Variants in LHCGR observed in about 807,000 individuals in gnomAD.
LHCGR encodes the protein lutropin-choriogonadotropic hormone receptor.
A neutral mutation model predicts 60.7 loss-of-function variants in LHCGR; 55 were observed. The ratio of observed to expected loss-of-function variants is 0.91; its 90% CI spans 0.73 to 1.13. The LOEUF (loss-of-function observed/expected upper bound fraction) is 1.13. LHCGR is among the 50% of genes most tolerant of loss of function. LHCGR has a pLI of 0.00. For missense variants in LHCGR, 862 were observed against 836.0 expected (o/e 1.03, Z -0.38); for synonymous variants, 337 against 316.5 (o/e 1.06, Z -0.69).
At chr2:48,712,277 C>CCTATGCTGTAAGCTCCTGTAG (rs1485499288) in intron 7 of LHCGR, among the ~76,000 whole-genome samples, 1 of 152,002 alleles carries the variant, frequency 6.6e-6, no homozygotes, top group Non-Finnish European at 1.5e-5. Context: ...GATGCTTCTT[C>CCTATGCTGTAAGCTCCTGTAG]CTATGCTGTA....
At position 48,694,263 on chromosome 2, in the gene LHCGR, T is replaced by C; in HGVS notation, c.908A>G (p.Gln303Arg). Residue 303 changes from glutamine to arginine, a missense_variant, in exon 10 of 11, where the codon CAA (glutamine) becomes CGA (arginine). Coordinates refer to ENST00000294954, the MANE Select transcript of LHCGR (RefSeq NM_000233.4). ...CACTTTCCTTACTGTGCTTTCACAT[T>C]GTTTGGAAAAGTTTTCAGAAATGGA... is the stretch of plus-strand genomic sequence containing the variant. Reference protein sequence around the residue: ...SHSISENFSKQCESTVRKVNN... With the variant: ...SHSISENFSKRCESTVRKVNN... The C allele has an allele frequency of 6.2e-7, 1 of 1,601,054 alleles. No homozygotes were observed. Among genetic ancestry groups the C allele is most frequent in the Middle Eastern group, 1.7e-4 (1 of 6,034 alleles).
chr2:48,728,509 G>C (rs142552082), intron 3 of LHCGR, among the ~76,000 whole-genome samples: 39 of 152,266 alleles, frequency 2.6e-4, no homozygotes, highest in African/African-American at 8.9e-4. Flanking sequence ...TCTAATTTCA[G>C]CTCTGGCACT....
At chr2:48,735,670 G>A (rs988460010) in intron 1 of LHCGR, among the ~76,000 whole-genome samples, 1 of 152,316 alleles carries the variant, frequency 6.6e-6, no homozygotes, top group South Asian at 2.1e-4. Context: ...ACCCAGTGGA[G>A]TTGGGTTACT....
chr2:48,745,809 C>CGCA (rs1669674300), intron 1 of LHCGR, among the ~76,000 whole-genome samples: 2 of 150,658 alleles, frequency 1.3e-5, no homozygotes, highest in African/African-American at 4.9e-5. Flanking sequence ...AACTAACCTG[C>CGCA]ATGTTGTGCA....
At chr2:48,750,213 T>C (rs1669900647) in intron 1 of LHCGR, among the ~76,000 whole-genome samples, 1 of 152,190 alleles carries the variant, frequency 6.6e-6, no homozygotes, top group Non-Finnish European at 1.5e-5. Context: ...GTCTTCTTTC[T>C]GTCTGTGGAT....
intron 1 of LHCGR, among the ~76,000 whole-genome samples, chr2:48,754,362 C>T (rs1670111082): frequency 6.6e-6 from 1 of 152,134 alleles, no homozygotes; most frequent in African/African-American, 2.4e-5. Flanking sequence ...CCTTCCTTCC[C>T]CAGCACAGAA....
intron 1 of LHCGR, among the ~76,000 whole-genome samples, chr2:48,746,527 C>T (rs1157505979): frequency 1.3e-5 from 2 of 152,182 alleles, no homozygotes; most frequent in South Asian, 2.1e-4. Context: ...GAAACTTTCC[C>T]ATTGGAAAAT....
Position 48,736,429 on chromosome 2 carries a change from G to C in LHCGR, c.162-5131C>G, listed in dbSNP as rs550618185. Among the ~76,000 whole-genome samples, 62 of 152,294 alleles carry C rather than the reference G, an allele frequency of 4.1e-4. No individual in the cohort carries two copies. In the South Asian group the frequency reaches 0.011, roughly 27 times the overall value. On this transcript the variant is annotated intron_variant, in intron 1 of 10. Coordinates refer to ENST00000294954, the MANE Select transcript of LHCGR (RefSeq NM_000233.4). Reference sequence around the variant, plus strand: ...CCAAGCACTCAGTGCAGCTGTGTCAGAGTCCAGTGACAGGAAAATTTACAG... The same window carrying C: ...CCAAGCACTCAGTGCAGCTGTGTCACAGTCCAGTGACAGGAAAATTTACAG...
intron 6 of LHCGR, among the ~76,000 whole-genome samples, chr2:48,723,201 C>T (rs1195733976): frequency 6.6e-6 from 1 of 152,178 alleles, no homozygotes; most frequent in Non-Finnish European, 1.5e-5. Context: ...TGAACAATTT[C>T]ATAAGTTTGA....
In LHCGR at chr2:48,687,731, G is replaced by T. The variant is rs752989860; in HGVS notation, c.2066C>A (p.Ala689Asp). The T allele has an allele frequency of 2.5e-6, 4 of 1,613,916 alleles. No individual in the cohort carries two copies. Among genetic ancestry groups the T allele is most frequent in the Non-Finnish European group, 3.4e-6 (4 of 1,179,834 alleles). The change falls in exon 11 of 11, where the codon GCT (alanine) becomes GAT (aspartate). Residue 689 changes from alanine to aspartate, a missense_variant. By Grantham distance (126) the Ala-to-Asp change is moderately radical. Transcript: ENST00000294954. The part of the protein sequence containing the change: ...KLSTLHCQGT[A>D]LLDKTRYTEC Reference sequence around the variant, plus strand: ...TGTGTAGCGAGTCTTGTCTAGGAGAGCTGTACCTTGACAGTGCAATGTGGA... The same window carrying T: ...TGTGTAGCGAGTCTTGTCTAGGAGATCTGTACCTTGACAGTGCAATGTGGA...
rs1670175850 is a variant in LHCGR, at chr2:48,755,616, G to GGCTGCAGCAGCAGCAGCAGCTTCAGCA, written c.29_55dup (p.Leu10_Gln18dup). 13 of 1,532,516 alleles carry GGCTGCAGCAGCAGCAGCAGCTTCAGCA rather than the reference G, an allele frequency of 8.5e-6. No homozygotes were observed. The highest frequency in any genetic ancestry group is 2.4e-5 in the East Asian group (1 of 40,850). 94.9% of individuals were successfully genotyped at this position (1,532,516 alleles called of 1,614,324 possible). The stretch of plus-strand genomic sequence containing the variant: ...CTCGCGCAGCGCTCGTGGCAGCGGC[G>GGCTGCAGCAGCAGCAGCAGCTTCAGCA]GCTGCAGCAGCAGCAGCAGCTTCAG... On this transcript the variant is annotated inframe_insertion, in exon 1 of 11. Coordinates refer to ENST00000294954, the MANE Select transcript of LHCGR (RefSeq NM_000233.4).
At chr2:48,726,806 A>T (rs991702540) in intron 3 of LHCGR, among the ~76,000 whole-genome samples, 5 of 152,198 alleles carry the variant, frequency 3.3e-5, no homozygotes, top group African/African-American at 1.2e-4. Context: ...GAATAAATAT[A>T]TGTGTCTGGT....
At chr2:48,703,654 G>T (rs1667516992) in intron 8 of LHCGR, among the ~76,000 whole-genome samples, 2 of 152,150 alleles carry the variant, frequency 1.3e-5, no homozygotes, top group Non-Finnish European at 2.9e-5. Flanking sequence ...TAGTAATTGT[G>T]AATGGGAGTT....
intron 1 of LHCGR, among the ~76,000 whole-genome samples, chr2:48,738,595 G>C (rs1198839509): frequency 6.6e-6 from 1 of 152,102 alleles, no homozygotes; most frequent in Non-Finnish European, 1.5e-5. Context: ...TTCACCAGTT[G>C]TATCACCCAC....
chr2:48,724,613 G>T (rs1231927220), intron 4 of LHCGR, among the ~76,000 whole-genome samples: 1 of 152,126 alleles, frequency 6.6e-6, no homozygotes, highest in African/African-American at 2.4e-5. Flanking sequence ...TCACAGTTTT[G>T]GATGAAAATA....
intron 1 of LHCGR, among the ~76,000 whole-genome samples, chr2:48,749,325 A>T (rs898081966): frequency 6.6e-6 from 1 of 152,156 alleles, no homozygotes; most frequent in African/African-American, 2.4e-5. Context: ...GGTGGGAGGG[A>T]TTATTTTAAT....
At chr2:48,719,755 G>A (rs76635743) in intron 6 of LHCGR, among the ~76,000 whole-genome samples, 1 of 152,186 alleles carries the variant, frequency 6.6e-6, no homozygotes, top group Non-Finnish European at 1.5e-5. Flanking sequence ...TGGGTAGGGG[G>A]AGGGCAAGAC....
At chr2:48,699,364 T>C (rs1667292066) in intron 8 of LHCGR, among the ~76,000 whole-genome samples, 1 of 152,022 alleles carries the variant, frequency 6.6e-6, no homozygotes, top group African/African-American at 2.4e-5. Flanking sequence ...TCTCTCTCTC[T>C]CCCCTCTTCC....
chr2:48,708,001 C>T (rs1401131195), intron 8 of LHCGR, among the ~76,000 whole-genome samples: 1 of 152,192 alleles, frequency 6.6e-6, no homozygotes, highest in African/African-American at 2.4e-5. Context: ...TGACGCCCTG[C>T]CCTGCTTCAG....
Sources: allele counts gnomAD v4.1 joint callset (sites outside exome capture counted in the v4.1 genomes callset), GRCh38; gene constraint gnomAD v4.1.1; transcripts MANE v1.5; gene names NCBI Gene and HGNC (gene_info 2026-07-23, HGNC 2026-07-21).